Variants in RAB38 observed in about 807,000 individuals in gnomAD.
The protein encoded by RAB38 is RAB38, member RAS oncogene family.
RAB38 carries 15 observed loss-of-function variants against 18.4 expected under a neutral mutation model. That is an observed-to-expected ratio of 0.82 (90% CI 0.55 to 1.26). The LOEUF is 1.26. RAB38 is among the 50% of genes most tolerant of loss of function. RAB38 has a pLI of 0.00. For missense variants in RAB38, 294 were observed against 267.4 expected (o/e 1.10, Z -0.69); for synonymous variants, 101 against 104.4 (o/e 0.97, Z 0.20).
chr11:88,137,107 G>C (rs1293645250), intron 2 of RAB38, among the ~76,000 whole-genome samples: 1 of 152,152 alleles, frequency 6.6e-6, no homozygotes, highest in Non-Finnish European at 1.5e-5. Context: ...TTTTTCTATA[G>C]AGAAAAGACC....
chr11:87,945,210 T>C, the RAB38 span, among the ~76,000 whole-genome samples: 1 of 152,172 alleles, frequency 6.6e-6, no homozygotes. Context: ...TTGTATCTGA[T>C]TATGACCTGA....
At chr11:88,031,843 T>C in the RAB38 span, among the ~76,000 whole-genome samples, 5,075 of 152,276 alleles carry the variant, frequency 0.033, 222 homozygotes, top group South Asian at 0.075. Context: ...CCCATGAAGC[T>C]ACCAATGACT....
chr11:87,977,479 T>C, the RAB38 span, among the ~76,000 whole-genome samples: 4 of 44,350 alleles, frequency 9.0e-5, no homozygotes, highest in African/African-American at 4.4e-4. Context: ...ATTACATATA[T>C]AATTATATAT....
At chr11:88,028,959 A>T in the RAB38 span, among the ~76,000 whole-genome samples, 2 of 152,186 alleles carry the variant, frequency 1.3e-5, no homozygotes, top group African/African-American at 4.8e-5. Context: ...GAAGGAAAAA[A>T]TGTTAAGGGC....
At chr11:88,043,256 A>T in the RAB38 span, among the ~76,000 whole-genome samples, 3 of 152,202 alleles carry the variant, frequency 2.0e-5, no homozygotes, top group South Asian at 6.2e-4. Flanking sequence ...TATTTGTCTC[A>T]TCTACTTTTG....
At chr11:87,904,032 GT>G in the RAB38 span, among the ~76,000 whole-genome samples, 1 of 151,064 alleles carries the variant, frequency 6.6e-6, no homozygotes, top group Non-Finnish European at 1.5e-5. Context: ...TGGAATTGTG[GT>G]TTTATTTTTA....
At chr11:87,963,651 CTTT>C in the RAB38 span, among the ~76,000 whole-genome samples, 1 of 143,370 alleles carries the variant, frequency 7.0e-6, no homozygotes. Context: ...TTCTTTTTTT[CTTT>C]TTTTTTTTTT....
chr11:87,954,472 A>AG, the RAB38 span, among the ~76,000 whole-genome samples: 1 of 151,984 alleles, frequency 6.6e-6, no homozygotes, highest in Non-Finnish European at 1.5e-5. Context: ...GAAAGATAGA[A>AG]AAAGAAAGAT....
intron 1 of RAB38, among the ~76,000 whole-genome samples, chr11:88,154,440 G>C (rs1387856044): frequency 6.6e-6 from 1 of 152,290 alleles, no homozygotes; most frequent in East Asian, 1.9e-4. Flanking sequence ...TTTCTACTGG[G>C]CAGTAATACT....
chr11:88,174,618 A>G (rs1461305345), intron 1 of RAB38, among the ~76,000 whole-genome samples: 1 of 126,166 alleles, frequency 7.9e-6, no homozygotes, highest in Non-Finnish European at 1.7e-5. Context: ...GTAAGCAAAA[A>G]GCAAAAAAAA....
At chr11:88,112,990 T>C (rs539031275), downstream of RAB38, among the ~76,000 whole-genome samples, 27 of 152,216 alleles carry the variant, frequency 1.8e-4, 1 homozygote, top group Middle Eastern at 0.014. Flanking sequence ...TCAGAATCTA[T>C]GAGGACATAT....
At chr11:88,039,949 T>C in the RAB38 span, among the ~76,000 whole-genome samples, 1 of 152,198 alleles carries the variant, frequency 6.6e-6, no homozygotes, top group Non-Finnish European at 1.5e-5. Context: ...GCACCATTGA[T>C]TGTAAAAGAA....
the RAB38 span, among the ~76,000 whole-genome samples, chr11:88,006,064 T>C: frequency 6.6e-6 from 1 of 151,018 alleles, no homozygotes; most frequent in Non-Finnish European, 1.5e-5. Context: ...CTAAAATATA[T>C]AAAAAACTCA....
In RAB38 at chr11:88,113,873, T is replaced by C. The variant is rs779810860; in HGVS notation, c.*115A>G. 7.1e-6 allele frequency: 9 copies of C among 1,259,972 alleles called. No individual in the cohort carries two copies. The highest frequency in any genetic ancestry group is 1.0e-5 in the Non-Finnish European group (9 of 891,408). 78.0% of individuals were successfully genotyped at this position (1,259,972 alleles called of 1,614,324 possible). A position where few individuals can be genotyped will look rare whatever the true frequency, so the allele number is the denominator to read the frequency against. ...CACTGAAAAAACAGAGGCATAGATC[T>C]TTGGCTTGCCACATGTGGTATCTCT... On this transcript the variant is annotated 3_prime_UTR_variant, in exon 3 of 3. Coordinates refer to ENST00000243662, the MANE Select transcript of RAB38 (RefSeq NM_022337.3).
the RAB38 span, among the ~76,000 whole-genome samples, chr11:87,873,113 G>C: frequency 6.6e-6 from 1 of 151,476 alleles, no homozygotes; most frequent in African/African-American, 2.4e-5. Flanking sequence ...ATTAGCACCT[G>C]GTGTCAATGT....
the RAB38 span, among the ~76,000 whole-genome samples, chr11:88,094,090 C>A: frequency 6.6e-6 from 1 of 151,794 alleles, no homozygotes; most frequent in South Asian, 2.1e-4. Context: ...TTGACAGCTC[C>A]ACTCCCCAAA....
At chr11:88,014,054 T>C in the RAB38 span, among the ~76,000 whole-genome samples, 159 of 152,248 alleles carry the variant, frequency 1.0e-3, 1 homozygote, top group African/African-American at 3.6e-3. Flanking sequence ...AGTGCACTAC[T>C]AGGGACAATC....
At chr11:87,862,978 C>T in the RAB38 span, among the ~76,000 whole-genome samples, 13 of 151,848 alleles carry the variant, frequency 8.6e-5, no homozygotes, top group African/African-American at 3.1e-4. Context: ...CATTTATATG[C>T]AGTCCATCTG....
At chr11:87,947,659 T>G in the RAB38 span, among the ~76,000 whole-genome samples, 1 of 152,222 alleles carries the variant, frequency 6.6e-6, no homozygotes, top group Non-Finnish European at 1.5e-5. Flanking sequence ...CTTTCCCCAT[T>G]TCATGTTTTT....
Sources: allele counts gnomAD v4.1 joint callset (sites outside exome capture counted in the v4.1 genomes callset), GRCh38; gene constraint gnomAD v4.1.1; transcripts MANE v1.5; gene names NCBI Gene and HGNC (gene_info 2026-07-23, HGNC 2026-07-21).